The following TENT5D variants were observed in gnomAD, a reference collection of about 807,000 sequenced individuals.
TENT5D encodes cancer/testis antigen 112.
For synonymous variants in TENT5D, 103 were observed against 100.6 expected (o/e 1.02, Z -0.15); for missense variants, 191 against 287.0 (o/e 0.67, Z 2.42).
chrX:80,365,474 A>G (rs1930488354), intron 3 of TENT5D, among the ~76,000 whole-genome samples: 1 of 111,324 alleles, frequency 9.0e-6, no homozygotes. Flanking sequence ...TGTGTGAAAC[A>G]TAAAATTTCT....
At chrX:80,442,996 A>T (rs1008391005) in exon 3 of TENT5D, 1 of 1,211,351 alleles carries the variant, frequency 8.3e-7, no homozygotes, top group Non-Finnish European at 1.1e-6. Context: ...TTCAAATAAC[A>T]CTGGGAAGAA....
chrX:80,408,414 A>G (rs1054146719), intron 3 of TENT5D, among the ~76,000 whole-genome samples: 1 of 110,856 alleles, frequency 9.0e-6, no homozygotes, highest in Non-Finnish European at 1.9e-5. Flanking sequence ...GATAAAGGGG[A>G]TATCACCACA....
intron 3 of TENT5D, among the ~76,000 whole-genome samples, chrX:80,393,754 C>A (rs1178391841): frequency 9.0e-6 from 1 of 111,509 alleles, no homozygotes; most frequent in Non-Finnish European, 1.9e-5. Flanking sequence ...TTACTCCCTG[C>A]TTTTATGAGC....
intron 3 of TENT5D, among the ~76,000 whole-genome samples, chrX:80,370,022 A>T (rs1206857116): frequency 9.0e-6 from 1 of 111,074 alleles, no homozygotes; most frequent in African/African-American, 3.3e-5. Flanking sequence ...TCCTGGGCTC[A>T]AGGGATCCTT....
chrX:80,424,933 G>T (rs1026517107), intron 1 of TENT5D, among the ~76,000 whole-genome samples: 1 of 112,272 alleles, frequency 8.9e-6, no homozygotes, highest in African/African-American at 3.2e-5. Context: ...GGTTTCAAGA[G>T]CATGGTGTTC....
intron 3 of TENT5D, among the ~76,000 whole-genome samples, chrX:80,368,727 T>C (rs913324838): frequency 8.9e-6 from 1 of 111,929 alleles, no homozygotes; most frequent in Non-Finnish European, 1.9e-5. Flanking sequence ...TACATATTTT[T>C]AAAACAGAAT....
chrX:80,401,803 G>A (rs183104866), intron 3 of TENT5D, among the ~76,000 whole-genome samples: 1 of 112,085 alleles, frequency 8.9e-6, no homozygotes, highest in East Asian at 2.8e-4. Flanking sequence ...AATTTAGCTT[G>A]CTTGTATTTT....
At chrX:80,431,834 A>C (rs770647350) in intron 1 of TENT5D, among the ~76,000 whole-genome samples, 7 of 111,608 alleles carry the variant, frequency 6.3e-5, no homozygotes, top group Non-Finnish European at 1.3e-4. Flanking sequence ...TTTCATAGAA[A>C]AGTATTTTAG....
intron 3 of TENT5D, among the ~76,000 whole-genome samples, chrX:80,402,886 C>CT (rs1170406399): frequency 8.9e-6 from 1 of 111,813 alleles, no homozygotes; most frequent in Non-Finnish European, 1.9e-5. Context: ...CAGTATATGG[C>CT]TATTAGGTCC....
At chrX:80,428,609 T>C (rs764539791) in intron 1 of TENT5D, among the ~76,000 whole-genome samples, 2 of 112,468 alleles carry the variant, frequency 1.8e-5, no homozygotes, top group African/African-American at 3.2e-5. Flanking sequence ...GAGTTTTACG[T>C]TCTTAAGTTA....
At chrX:80,420,545 TCTA>T (rs1000355417) in exon 1 of TENT5D, 2 of 111,487 alleles carry the variant, frequency 1.8e-5, no homozygotes, top group Non-Finnish European at 3.8e-5. Flanking sequence ...TTCAGCAAAG[TCTA>T]CTATCAGAAG....
chrX:80,344,044 G>C (rs1930013699), intron 3 of TENT5D, among the ~76,000 whole-genome samples: 1 of 110,865 alleles, frequency 9.0e-6, no homozygotes, highest in South Asian at 3.9e-4. Flanking sequence ...GTGAGAACAT[G>C]TGGTATTTGG....
chrX:80,422,401 A>G (rs1931907345), intron 1 of TENT5D, among the ~76,000 whole-genome samples: 1 of 112,170 alleles, frequency 8.9e-6, no homozygotes, highest in Admixed American at 9.4e-5. Context: ...TGAACCTGGT[A>G]GGCAGACATT....
Position 80,397,309 on chromosome X carries a change from C to T in TENT5D, c.-141-41301C>T, listed in dbSNP as rs1469263015. 3.8e-5 allele frequency among the ~76,000 whole-genome samples: 4 copies of T among 104,085 alleles called. No homozygotes were observed. The Middle Eastern group carries it at 0.016, about 409-fold the overall frequency. The allele number at this position is 104,085 out of a possible 115,157, so 90.4% of individuals were successfully genotyped here. A position where few individuals can be genotyped will look rare whatever the true frequency, so the allele number is the denominator to read the frequency against. ...CCCAGACGGGGTGGCGGGGCAGAGG[C>T]GCTCCCCACATCTCAGACGATGGGC... On this transcript the variant is annotated intron_variant, in intron 3 of 4. Transcript: ENST00000538312.
chrX:80,381,943 C>T (rs1366603691), intron 3 of TENT5D, among the ~76,000 whole-genome samples: 1 of 112,318 alleles, frequency 8.9e-6, no homozygotes, highest in East Asian at 2.8e-4. Flanking sequence ...TACCAGCCTT[C>T]TGAAACCTAC....
upstream of TENT5D, among the ~76,000 whole-genome samples, chrX:80,418,094 C>T (rs1931811581): frequency 9.0e-6 from 1 of 110,804 alleles, no homozygotes; most frequent in African/African-American, 3.3e-5. Flanking sequence ...CATTTTTGCC[C>T]TAAAATGCCA....
intron 3 of TENT5D, among the ~76,000 whole-genome samples, chrX:80,362,187 G>T (rs191689297): frequency 9.1e-6 from 1 of 109,568 alleles, no homozygotes; most frequent in Non-Finnish European, 1.9e-5. Flanking sequence ...TTCTTGAGAC[G>T]GAGTCTTGCT....
At chrX:80,350,775 A>G (rs1247620108) in intron 3 of TENT5D, among the ~76,000 whole-genome samples, 1 of 111,565 alleles carries the variant, frequency 9.0e-6, no homozygotes, top group Non-Finnish European at 1.9e-5. Context: ...TTGTTTTTGC[A>G]GTTGCTGGTA....
chrX:80,442,682 A>G, exon 3 of TENT5D: 1 of 1,211,214 alleles, frequency 8.3e-7, no homozygotes, highest in Non-Finnish European at 1.1e-6. Context: ...CATGTTGTGA[A>G]AGATCAACTC....
Sources: gnomAD v4.1 joint callset for allele counts (sites outside exome capture counted in the v4.1 genomes callset) on GRCh38, gnomAD v4.1.1 for gene constraint, MANE v1.5 for transcripts, NCBI Gene and HGNC (gene_info 2026-07-23, HGNC 2026-07-21) for gene names.